The following NKAIN3 variants were observed in gnomAD, a reference collection of about 807,000 sequenced individuals.
NKAIN3 encodes the protein sodium/potassium transporting ATPase interacting 3.
A neutral mutation model predicts 30.2 loss-of-function variants in NKAIN3; 25 were observed. That is an observed-to-expected ratio of 0.83 (90% CI 0.60 to 1.16). The LOEUF is 1.16. Ranked by LOEUF, NKAIN3 falls within the 50% of genes most tolerant of loss-of-function variation. The pLI is 0.00. For missense variants in NKAIN3, 225 were observed against 254.1 expected (o/e 0.89, Z 0.78); for synonymous variants, 91 against 89.6 (o/e 1.02, Z -0.09).
intron 1 of NKAIN3, among the ~76,000 whole-genome samples, chr8:62,279,536 G>A (rs1190332848): frequency 3.9e-5 from 6 of 152,114 alleles, no homozygotes; most frequent in Admixed American, 2.0e-4. Flanking sequence ...AATCCATCTT[G>A]AATTAATTGT....
intron 1 of NKAIN3, among the ~76,000 whole-genome samples, chr8:62,573,387 A>G (rs1183891844): frequency 1.3e-5 from 2 of 152,180 alleles, no homozygotes; most frequent in Non-Finnish European, 2.9e-5. Flanking sequence ...GCCACTCAGC[A>G]AGGCTATTTC....
At chr8:62,957,630 C>T (rs769388674) in intron 6 of NKAIN3, among the ~76,000 whole-genome samples, 43 of 152,136 alleles carry the variant, frequency 2.8e-4, no homozygotes, top group Non-Finnish European at 5.4e-4. Flanking sequence ...GAAAAGGCTA[C>T]ATGCTATATA....
intron 5 of NKAIN3, among the ~76,000 whole-genome samples, chr8:62,919,126 C>T (rs1433439442): frequency 2.7e-5 from 4 of 150,444 alleles, no homozygotes; most frequent in Non-Finnish European, 5.9e-5. Context: ...AGCTTTAGCA[C>T]CATAGGTCAA....
chr8:62,380,307 T>C (rs562293227), intron 1 of NKAIN3, among the ~76,000 whole-genome samples: 2 of 152,228 alleles, frequency 1.3e-5, no homozygotes, highest in Non-Finnish European at 2.9e-5. Flanking sequence ...AGACAACCAC[T>C]TGGACCTCTA....
chr8:62,988,518 G>A (rs1585648325), downstream of NKAIN3, among the ~76,000 whole-genome samples: 1 of 152,358 alleles, frequency 6.6e-6, no homozygotes, highest in Non-Finnish European at 1.5e-5. Context: ...ACACCACATG[G>A]AAGCTGCCAA....
intron 4 of NKAIN3, among the ~76,000 whole-genome samples, chr8:62,917,278 T>C (rs1048569513): frequency 1.3e-5 from 2 of 152,098 alleles, no homozygotes; most frequent in African/African-American, 4.8e-5. Flanking sequence ...GCCCCATGCT[T>C]CCCAAAATGT....
intron 1 of NKAIN3, among the ~76,000 whole-genome samples, chr8:62,479,953 C>T (rs1806660664): frequency 1.3e-5 from 2 of 152,054 alleles, no homozygotes; most frequent in African/African-American, 4.8e-5. Context: ...CAGCGTTTCC[C>T]CAGAACATTT....
chr8:62,987,237 A>C (rs1008205221), downstream of NKAIN3, among the ~76,000 whole-genome samples: 2 of 151,012 alleles, frequency 1.3e-5, no homozygotes, highest in Non-Finnish European at 2.9e-5. Context: ...AAATACAAAA[A>C]AAAACATCAA....
chr8:62,379,218 A>T (rs1281371748), intron 1 of NKAIN3, among the ~76,000 whole-genome samples: 2 of 152,142 alleles, frequency 1.3e-5, no homozygotes, highest in African/African-American at 4.8e-5. Context: ...TTTATCCAAT[A>T]CCTGTACCCC....
intron 4 of NKAIN3, among the ~76,000 whole-genome samples, chr8:62,911,490 T>C (rs1190975815): frequency 3.9e-5 from 6 of 152,102 alleles, no homozygotes; most frequent in Non-Finnish European, 1.5e-5. Context: ...GAACTCCTCG[T>C]TCGGAAATTT....
intron 1 of NKAIN3, among the ~76,000 whole-genome samples, chr8:62,308,298 G>C (rs11988957): frequency 6.7e-6 from 1 of 150,310 alleles, no homozygotes; most frequent in South Asian, 2.1e-4. Flanking sequence ...GGGTGATTGG[G>C]TGCCTTCTGC....
intron 3 of NKAIN3, among the ~76,000 whole-genome samples, chr8:62,697,214 G>T (rs1434427705): frequency 6.6e-6 from 1 of 152,122 alleles, no homozygotes; most frequent in East Asian, 1.9e-4. Flanking sequence ...AGCCCTACAT[G>T]ATCTACAGAG....
chr8:62,802,358 G>T (rs1324218231), intron 4 of NKAIN3, among the ~76,000 whole-genome samples: 2 of 152,192 alleles, frequency 1.3e-5, no homozygotes, highest in Admixed American at 6.5e-5. Flanking sequence ...AATGTTAAGG[G>T]CAGCCAGAGA....
chr8:62,988,091 T>C (rs1461356929), downstream of NKAIN3, among the ~76,000 whole-genome samples: 1 of 152,210 alleles, frequency 6.6e-6, no homozygotes, highest in African/African-American at 2.4e-5. Flanking sequence ...TTTGACTCCA[T>C]GTCTCACGTC....
intron 6 of NKAIN3, among the ~76,000 whole-genome samples, chr8:62,960,793 C>T (rs1823550623): frequency 6.6e-6 from 1 of 151,136 alleles, no homozygotes; most frequent in African/African-American, 2.4e-5. Flanking sequence ...GAAACATTTA[C>T]AGTTCTATCA....
At chr8:62,454,561 G>A (rs1395094363) in intron 1 of NKAIN3, among the ~76,000 whole-genome samples, 2 of 152,122 alleles carry the variant, frequency 1.3e-5, no homozygotes, top group Non-Finnish European at 2.9e-5. Flanking sequence ...ATGCCCACAT[G>A]AATTAGTGAA....
chr8:62,829,766 A>AGATC (rs1409346524), intron 4 of NKAIN3, among the ~76,000 whole-genome samples: 14 of 151,730 alleles, frequency 9.2e-5, no homozygotes, highest in Non-Finnish European at 1.6e-4. Flanking sequence ...ATAGATAGAT[A>AGATC]GATCTATTTA....
At chr8:62,823,127 C>T (rs564357576) in intron 4 of NKAIN3, among the ~76,000 whole-genome samples, 12 of 152,114 alleles carry the variant, frequency 7.9e-5, no homozygotes, top group African/African-American at 1.9e-4. Flanking sequence ...AAGGCCTGGG[C>T]GATTACTATA....
In NKAIN3 at chr8:62,689,661, T is replaced by C. The variant is rs1046090112; in HGVS notation, c.274-57271T>C. Among the ~76,000 whole-genome samples, 3 of 152,198 alleles carry C rather than the reference T, an allele frequency of 2.0e-5. 1 individual carries two copies. In the South Asian group the frequency reaches 6.2e-4, roughly 31 times the overall value. On this transcript the variant is annotated intron_variant, in intron 3 of 6. Coordinates refer to ENST00000623646, the MANE Select transcript of NKAIN3 (RefSeq NM_001304533.3). ...CTTGGAGTTCACTGTGCCTTTATGT[T>C]AGAAGAACGCATTTTAAAGAATGTT...
Sources: gnomAD v4.1 joint callset for allele counts (sites outside exome capture counted in the v4.1 genomes callset) on GRCh38, gnomAD v4.1.1 for gene constraint, MANE v1.5 for transcripts, NCBI Gene and HGNC (gene_info 2026-07-23, HGNC 2026-07-21) for gene names.